The following ZBTB20 variants were observed in gnomAD, a reference collection of about 807,000 sequenced individuals.
ZBTB20 encodes zinc finger and BTB domain containing 20.
A neutral mutation model predicts 56.9 loss-of-function variants in ZBTB20; 9 were observed. The ratio of observed to expected loss-of-function variants is 0.16; its 90% CI spans 0.10 to 0.28. ZBTB20 has a LOEUF of 0.28. Ranked by LOEUF, ZBTB20 falls within the 10% of genes least tolerant of loss-of-function variation. The pLI, the probability that ZBTB20 is intolerant of heterozygous loss-of-function variation, is 1.00. For synonymous variants in ZBTB20, 417 were observed against 420.7 expected, an observed-to-expected ratio of 0.99 and a Z score of 0.11; for missense variants, 655 against 1,003.0, an observed-to-expected ratio of 0.65 and a Z score of 4.69.
chr3:114,344,900 A>G (rs889678510), intron 11 of ZBTB20, among the ~76,000 whole-genome samples: 1 of 152,206 alleles, frequency 6.6e-6, no homozygotes, highest in Non-Finnish European at 1.5e-5. Flanking sequence ...GAGGATACCA[A>G]TGGGCTAAAA....
intron 6 of ZBTB20, among the ~76,000 whole-genome samples, chr3:114,691,751 A>G (rs2062710178): frequency 1.3e-5 from 2 of 152,138 alleles, no homozygotes; most frequent in Admixed American, 6.6e-5. Flanking sequence ...AAATGAGAGT[A>G]AGGAAATATA....
At chr3:114,971,152 T>C (rs996137449) in intron 3 of ZBTB20, among the ~76,000 whole-genome samples, 2 of 152,242 alleles carry the variant, frequency 1.3e-5, no homozygotes, top group Non-Finnish European at 2.9e-5. Context: ...TTTTTTCTTT[T>C]GTTGGATGAG....
chr3:114,789,314 A>C (rs75702584), intron 5 of ZBTB20, among the ~76,000 whole-genome samples: 1 of 152,138 alleles, frequency 6.6e-6, no homozygotes, highest in South Asian at 2.1e-4. Context: ...ACTATCCAGA[A>C]AAATGGTTTC....
chr3:114,992,308 T>C (rs2078850054), intron 2 of ZBTB20, among the ~76,000 whole-genome samples: 1 of 152,030 alleles, frequency 6.6e-6, no homozygotes, highest in Non-Finnish European at 1.5e-5. Context: ...TATGCACTTC[T>C]ATAGAAAAAT....
chr3:114,602,348 G>T (rs974444183), intron 6 of ZBTB20, among the ~76,000 whole-genome samples: 2 of 151,976 alleles, frequency 1.3e-5, no homozygotes, highest in African/African-American at 4.8e-5. Flanking sequence ...ACTTATATAT[G>T]TCTAGTTCAG....
At chr3:115,119,432 G>C (rs1401983865) in intron 1 of ZBTB20, among the ~76,000 whole-genome samples, 1 of 151,952 alleles carries the variant, frequency 6.6e-6, no homozygotes, top group Non-Finnish European at 1.5e-5. Flanking sequence ...AATTTATCAG[G>C]CATTTTACCA....
intron 6 of ZBTB20, among the ~76,000 whole-genome samples, chr3:114,578,449 A>G (rs1294790024): frequency 6.6e-6 from 1 of 152,018 alleles, no homozygotes; most frequent in Non-Finnish European, 1.5e-5. Context: ...TGGAGTCCTG[A>G]GATTAATAAG....
At chr3:114,829,754 C>T (rs2073744660) in intron 4 of ZBTB20, among the ~76,000 whole-genome samples, 1 of 151,816 alleles carries the variant, frequency 6.6e-6, no homozygotes, top group South Asian at 2.1e-4. Context: ...TATCCCATGC[C>T]ATGCAGTTAG....
Position 114,335,301 on chromosome 3 carries a change from T to C in ZBTB20, c.*3704A>G, listed in dbSNP as rs1409153003. 6.6e-6 allele frequency: 1 copy of C among 152,208 alleles called. No individual in the cohort carries two copies. The highest frequency in any genetic ancestry group is 1.5e-5 in the Non-Finnish European group (1 of 68,038). The allele number at this position is 152,208 out of a possible 1,614,324, so 9.4% of individuals were successfully genotyped here. A position where few individuals can be genotyped will look rare whatever the true frequency, so the allele number is the denominator to read the frequency against. On this transcript the variant is annotated 3_prime_UTR_variant, in exon 12 of 12. Coordinates refer to ENST00000675478, the MANE Select transcript of ZBTB20 (RefSeq NM_001348800.3). ...TTTCCTGGCTACTAGAAAGAAATTT[T>C]TTTAGCACTCATATCACCCTACCAT...
rs182269122 is a variant in ZBTB20, at chr3:114,906,672, C to T, written c.-455-6330G>A. 4.1e-3 allele frequency among the ~76,000 whole-genome samples: 624 copies of T among 151,484 alleles called. 2 individuals carry two copies. Among genetic ancestry groups the T allele is most frequent in the Non-Finnish European group, 7.3e-3 (494 of 67,664 alleles). On this transcript the variant is annotated intron_variant, in intron 3 of 11. Coordinates refer to ENST00000675478, the MANE Select transcript of ZBTB20 (RefSeq NM_001348800.3). ...TATCTATGGCATTTAGGAGAAGGGGCTCACTATTGATTAGTTCCTTTACCT... is the reference window on the plus strand; with the variant it reads ...TATCTATGGCATTTAGGAGAAGGGGTTCACTATTGATTAGTTCCTTTACCT...
chr3:114,548,490 T>C (rs1348017805), intron 6 of ZBTB20, among the ~76,000 whole-genome samples: 1 of 152,036 alleles, frequency 6.6e-6, no homozygotes, highest in Non-Finnish European at 1.5e-5. Context: ...ACAACTGCAC[T>C]ATTTCTTTTG....
chr3:114,478,682 T>C (rs1014956761), intron 7 of ZBTB20, among the ~76,000 whole-genome samples: 1 of 152,086 alleles, frequency 6.6e-6, no homozygotes, highest in Non-Finnish European at 1.5e-5. Context: ...TAATCTGAAA[T>C]GTGTATGCAT....
At chr3:114,835,869 T>C (rs1426230598) in intron 4 of ZBTB20, among the ~76,000 whole-genome samples, 1 of 152,162 alleles carries the variant, frequency 6.6e-6, no homozygotes, top group Admixed American at 6.5e-5. Context: ...CAAAACAATA[T>C]TGGTATTAAT....
chr3:114,838,745 T>C (rs972558377), intron 4 of ZBTB20, among the ~76,000 whole-genome samples: 1 of 152,144 alleles, frequency 6.6e-6, no homozygotes, highest in Non-Finnish European at 1.5e-5. Context: ...TTCCATATTT[T>C]TTTTTAATGC....
At chr3:115,106,618 A>T (rs1267968127) in intron 1 of ZBTB20, among the ~76,000 whole-genome samples, 1 of 152,192 alleles carries the variant, frequency 6.6e-6, no homozygotes, top group East Asian at 1.9e-4. Context: ...CAGGAGTACC[A>T]TCCTTAAATG....
chr3:114,992,274 T>G (rs2078848446), intron 2 of ZBTB20, among the ~76,000 whole-genome samples: 4 of 152,042 alleles, frequency 2.6e-5, no homozygotes, highest in African/African-American at 9.7e-5. Context: ...AATCAAGTGC[T>G]AAATATATTA....
chr3:115,002,357 A>C (rs575980595), intron 2 of ZBTB20, among the ~76,000 whole-genome samples: 1 of 151,730 alleles, frequency 6.6e-6, no homozygotes, highest in South Asian at 2.1e-4. Flanking sequence ...GATTTATGAA[A>C]GAAATAATTG....
At chr3:114,832,251 G>C (rs1194422946) in intron 4 of ZBTB20, among the ~76,000 whole-genome samples, 1 of 152,016 alleles carries the variant, frequency 6.6e-6, no homozygotes, top group Non-Finnish European at 1.5e-5. Context: ...ATTCAGGTTT[G>C]GATGGAATAC....
chr3:114,735,711 T>C (rs2066100541), intron 5 of ZBTB20, among the ~76,000 whole-genome samples: 1 of 152,166 alleles, frequency 6.6e-6, no homozygotes, highest in African/African-American at 2.4e-5. Context: ...AAGCAGCTCA[T>C]CTTGTTTATA....
Sources: allele counts gnomAD v4.1 joint callset (sites outside exome capture counted in the v4.1 genomes callset), GRCh38; gene constraint gnomAD v4.1.1; transcripts MANE v1.5; gene names NCBI Gene and HGNC (gene_info 2026-07-23, HGNC 2026-07-21).